Variants in CPED1 observed in about 807,000 individuals in gnomAD.
CPED1 encodes cadherin like and PC-esterase domain containing 1, also known as cadherin-like and PC-esterase domain-containing protein 1.
CPED1 carries 114 observed loss-of-function variants against 128.2 expected under a neutral mutation model. That is an observed-to-expected ratio of 0.89 (90% confidence interval 0.76 to 1.04). CPED1 has a LOEUF of 1.04. Ranked by LOEUF, CPED1 falls within the 50% of genes least tolerant of loss-of-function variation. CPED1 has a pLI of 0.00. For missense variants in CPED1, 1,211 were observed against 1,207.1 expected, an observed-to-expected ratio of 1.00 and a Z score of -0.05; for synonymous variants, 462 against 426.7, an observed-to-expected ratio of 1.08 and a Z score of -1.02.
chr7:121,081,825 TAAC>T (rs1339732240), intron 5 of CPED1, among the ~76,000 whole-genome samples: 1 of 152,168 alleles, frequency 6.6e-6, no homozygotes, highest in African/African-American at 2.4e-5. Context: ...CCTAAAATAA[TAAC>T]AGGAGAGAAC....
chr7:121,295,132 G>A (rs1792796433), intron 22 of CPED1, among the ~76,000 whole-genome samples: 1 of 101,646 alleles, frequency 9.8e-6, no homozygotes, highest in Non-Finnish European at 1.9e-5. Flanking sequence ...CAGTGTGCCT[G>A]GCCTGAAAAC....
chr7:121,121,596 T>G (rs1432767472), intron 7 of CPED1, among the ~76,000 whole-genome samples: 1 of 152,238 alleles, frequency 6.6e-6, no homozygotes, highest in Non-Finnish European at 1.5e-5. Flanking sequence ...CGAACTTATA[T>G]TCTCACATTT....
chr7:120,998,237 G>T (rs1035187289), intron 2 of CPED1, among the ~76,000 whole-genome samples: 2 of 152,174 alleles, frequency 1.3e-5, no homozygotes, highest in African/African-American at 4.8e-5. Flanking sequence ...AAACTATCCA[G>T]CTTCGAATAC....
chr7:121,099,989 T>C lies in CPED1; in HGVS notation c.813T>C (p.Ile271=), dbSNP rs199878690. The C allele has an allele frequency of 3.7e-6, 6 of 1,613,892 alleles. No individual in the cohort carries two copies. In the East Asian group the frequency reaches 1.3e-4, roughly 36 times the overall value. ...TIFRAEDLSV[I]LKAYVLVTSL... is the part of the protein sequence containing the mutation. ...TTCGAGCCGAAGATCTATCTGTGAT[T>C]CTTAAAGCGTATGTGTTGGTGACGT... The change falls in exon 7 of 23, where the codon ATT becomes ATC. Residue 271 remains isoleucine (I), a synonymous_variant. Coordinates refer to ENST00000310396, the MANE Select transcript of CPED1 (RefSeq NM_024913.5).
chr7:121,044,377 C>T (rs770184740), intron 3 of CPED1, among the ~76,000 whole-genome samples: 3 of 151,966 alleles, frequency 2.0e-5, no homozygotes, highest in East Asian at 1.9e-4. Context: ...ATTTTTAGAC[C>T]GTGCTAGCAA....
chr7:121,075,542 A>G (rs1478459254), intron 5 of CPED1, among the ~76,000 whole-genome samples: 2 of 152,024 alleles, frequency 1.3e-5, no homozygotes, highest in African/African-American at 4.8e-5. Flanking sequence ...ATCTTGCTGC[A>G]ACTTTCTCCT....
At chr7:121,023,358 C>T (rs938955664) in intron 3 of CPED1, among the ~76,000 whole-genome samples, 5 of 152,212 alleles carry the variant, frequency 3.3e-5, no homozygotes, top group Admixed American at 1.3e-4. Context: ...TATGGAAGGA[C>T]ATTTTATCTA....
chr7:121,124,182 G>T, intron 7 of CPED1, 149 bp from the exon 8 acceptor site: 1 of 532,406 alleles, frequency 1.9e-6, no homozygotes. Flanking sequence ...CTGTATCTTA[G>T]ATTACCAAAC....
chr7:121,053,503 G>A (rs1253250195), intron 4 of CPED1, among the ~76,000 whole-genome samples: 4 of 152,152 alleles, frequency 2.6e-5, no homozygotes, highest in Non-Finnish European at 5.9e-5. Context: ...CTTGTCTCTT[G>A]TTACTGGTGA....
intron 18 of CPED1, among the ~76,000 whole-genome samples, chr7:121,256,684 G>A (rs1791887300): frequency 6.6e-6 from 1 of 151,946 alleles, no homozygotes; most frequent in South Asian, 2.1e-4. Context: ...ATTTGACCCA[G>A]CAAACCCATT....
intron 16 of CPED1, among the ~76,000 whole-genome samples, chr7:121,183,797 G>A (rs1241451062): frequency 6.6e-6 from 1 of 152,134 alleles, no homozygotes; most frequent in Non-Finnish European, 1.5e-5. Flanking sequence ...TCTGGTAACT[G>A]GAAAAGTATT....
intron 18 of CPED1, among the ~76,000 whole-genome samples, chr7:121,259,695 A>G (rs573157363): frequency 2.0e-5 from 3 of 152,176 alleles, no homozygotes; most frequent in Middle Eastern, 3.4e-3. Flanking sequence ...TACAACTGCA[A>G]AAACTTAGAA....
At position 121,254,661 on chromosome 7, in the gene CPED1, T is replaced by A. The variant is rs74714776; in HGVS notation, c.2310+10323T>A. On this transcript the variant is annotated intron_variant, in intron 18 of 22. Coordinates refer to ENST00000310396, the MANE Select transcript of CPED1 (RefSeq NM_024913.5). ...AGATAAGTAAGACTGATAGACTAAC[T>A]AGATTAACAACAACAAAAAAGAGAG... 1.2e-4 allele frequency among the ~76,000 whole-genome samples: 18 copies of A among 151,956 alleles called. 1 individual carries two copies. The East Asian group carries it at 3.3e-3, about 28-fold the overall frequency.
intron 18 of CPED1, among the ~76,000 whole-genome samples, chr7:121,263,327 A>G (rs1792057141): frequency 6.6e-6 from 1 of 152,060 alleles, no homozygotes; most frequent in Non-Finnish European, 1.5e-5. Context: ...TGACTTAGAC[A>G]TTTCCTATTT....
rs943974000 is a variant in CPED1, at chr7:121,097,971, T to A, written c.749+140T>A. ...TACATAAATTTTCAGCTATCCTTTT[T>A]AAATAAAGAATGCCATCATTGACTT... On this transcript the variant is annotated intron_variant, in intron 6 of 22. Coordinates refer to ENST00000310396, the MANE Select transcript of CPED1 (RefSeq NM_024913.5). 9 of 784,652 alleles carry A rather than the reference T, an allele frequency of 1.1e-5. No individual in the cohort carries two copies. In the Admixed American group the frequency reaches 2.6e-4, roughly 23 times the overall value. 48.6% of individuals were successfully genotyped at this position (784,652 alleles called of 1,614,324 possible). A position where few individuals can be genotyped will look rare whatever the true frequency, so the allele number is the denominator to read the frequency against.
chr7:120,999,469 C>T (rs1435492882), intron 2 of CPED1, among the ~76,000 whole-genome samples: 1 of 152,124 alleles, frequency 6.6e-6, no homozygotes, highest in Non-Finnish European at 1.5e-5. Flanking sequence ...TCTTTCTTAT[C>T]CTCATTGTCA....
chr7:121,141,076 A>G, intron 15 of CPED1, 63 bp downstream of exon 15: 1 of 1,342,552 alleles, frequency 7.4e-7, no homozygotes, highest in Non-Finnish European at 9.9e-7. Context: ...TTTGATGCAA[A>G]CTTTGAAAGT....
intron 22 of CPED1, among the ~76,000 whole-genome samples, chr7:121,282,291 A>G (rs1364980441): frequency 6.6e-6 from 1 of 152,092 alleles, no homozygotes; most frequent in Non-Finnish European, 1.5e-5. Flanking sequence ...GTTGTTTACT[A>G]TTATTATTAT....
chr7:121,163,222 A>G (rs1482371746), intron 16 of CPED1, among the ~76,000 whole-genome samples: 1 of 152,178 alleles, frequency 6.6e-6, no homozygotes, highest in Admixed American at 6.5e-5. Flanking sequence ...AACATCTCTA[A>G]TGTCATTTCA....
Sources: gnomAD v4.1 joint callset for allele counts (sites outside exome capture counted in the v4.1 genomes callset) on GRCh38, gnomAD v4.1.1 for gene constraint, MANE v1.5 for transcripts, NCBI Gene and HGNC (gene_info 2026-07-23, HGNC 2026-07-21) for gene names.